NALF1: variants seen among roughly 807,000 people sequenced by gnomAD.
The protein encoded by NALF1 is NALCN channel auxiliary factor 1, also known as family with sequence similarity 155 member A.
In NALF1, 3 loss-of-function variants were observed where a neutral mutation model predicts 48.4. The observed-to-expected ratio is 0.06, with a 90% CI of 0.03 to 0.16. NALF1 has a LOEUF of 0.16. Ranked by LOEUF, NALF1 falls within the 10% of genes least tolerant of loss-of-function variation. The pLI is 1.00. For synonymous variants in NALF1, 262 were observed against 245.7 expected (o/e 1.07, Z -0.62); for missense variants, 526 against 571.5 (o/e 0.92, Z 0.81).
intron 1 of NALF1, among the ~76,000 whole-genome samples, chr13:107,473,226 G>C (rs1421288292): frequency 6.6e-6 from 1 of 152,118 alleles, no homozygotes; most frequent in East Asian, 1.9e-4. Context: ...TGTAGGTCTA[G>C]ATTCTTCAGC....
chr13:107,373,691 AAG>A (rs1199463501), intron 1 of NALF1, among the ~76,000 whole-genome samples: 2 of 152,222 alleles, frequency 1.3e-5, no homozygotes. Context: ...AAATAGCCAC[AAG>A]AGGGCAACAC....
chr13:107,531,309 G>A (rs981688379), intron 1 of NALF1: 1 of 164,980 alleles, frequency 6.1e-6, no homozygotes, highest in African/African-American at 2.4e-5. Flanking sequence ...TTGGTGATGA[G>A]TGAGCTCTTC....
At chr13:107,771,098 T>C (rs1222490937) in intron 1 of NALF1, among the ~76,000 whole-genome samples, 1 of 152,202 alleles carries the variant, frequency 6.6e-6, no homozygotes, top group Admixed American at 6.5e-5. Context: ...ATGTATTCTA[T>C]CTTGCAGATT....
At chr13:107,581,101 A>AGAGTTAC (rs1348008019) in intron 1 of NALF1, among the ~76,000 whole-genome samples, 2 of 152,336 alleles carry the variant, frequency 1.3e-5, no homozygotes, top group Admixed American at 6.5e-5. Context: ...ATTTAAAAAT[A>AGAGTTAC]GAGTTACGTC....
At chr13:107,802,002 A>C (rs1878629835) in intron 1 of NALF1, among the ~76,000 whole-genome samples, 1 of 151,728 alleles carries the variant, frequency 6.6e-6, no homozygotes, top group African/African-American at 2.4e-5. Context: ...AGAATTTGGA[A>C]ATTTTTTAAA....
chr13:107,238,861 C>T (rs1035581050), intron 1 of NALF1, among the ~76,000 whole-genome samples: 2 of 152,090 alleles, frequency 1.3e-5, no homozygotes, highest in African/African-American at 4.8e-5. Context: ...AGAGGAGTCA[C>T]AGAATAATAC....
At chr13:107,486,329 G>C (rs1885328922) in intron 1 of NALF1, among the ~76,000 whole-genome samples, 1 of 152,074 alleles carries the variant, frequency 6.6e-6, no homozygotes, top group South Asian at 2.1e-4. Flanking sequence ...TAATTAACTG[G>C]TGAAGAAAAA....
chr13:107,267,239 GTAGT>G (rs1366594691), intron 1 of NALF1, among the ~76,000 whole-genome samples: 1 of 152,142 alleles, frequency 6.6e-6, no homozygotes, highest in Non-Finnish European at 1.5e-5. Context: ...TAGAAATACA[GTAGT>G]TAATGTAAAG....
chr13:107,617,308 G>A (rs1441650225), intron 1 of NALF1, among the ~76,000 whole-genome samples: 1 of 152,078 alleles, frequency 6.6e-6, no homozygotes, highest in East Asian at 1.9e-4. Context: ...GATTAAAGGG[G>A]TCATTTAATT....
At chr13:107,707,983 C>T (rs1273668142) in intron 1 of NALF1, among the ~76,000 whole-genome samples, 12 of 151,770 alleles carry the variant, frequency 7.9e-5, no homozygotes, top group Admixed American at 7.9e-4. Context: ...TATAATCCAC[C>T]CTACCCCCCA....
chr13:107,330,715 A>C (rs779913510), intron 1 of NALF1, among the ~76,000 whole-genome samples: 80 of 152,328 alleles, frequency 5.3e-4, no homozygotes, highest in Non-Finnish European at 1.3e-4. Flanking sequence ...TCCAGGAATA[A>C]TTGTTTCATA....
chr13:107,545,588 C>A lies in NALF1; in HGVS notation c.915+320094G>T, dbSNP rs546389. Among the ~76,000 whole-genome samples the A allele has an allele frequency of 2.0e-5, 3 of 151,634 alleles. No individual in the cohort carries two copies. The South Asian group carries it at 6.2e-4, about 32-fold the overall frequency. ...AGTTGGAGCCTGAGATCTGAAAGAC[C>A]CATAGGGTCAGAGCAGATATGGAGC... On this transcript the variant is annotated intron_variant, in intron 1 of 2. Transcript: ENST00000375915.
At chr13:107,551,173 C>T (rs541795788) in intron 1 of NALF1, among the ~76,000 whole-genome samples, 4 of 152,220 alleles carry the variant, frequency 2.6e-5, no homozygotes, top group South Asian at 2.1e-4. Context: ...CTTCTTGTGA[C>T]GTCTCTTCTA....
At chr13:107,754,633 C>T (rs994533241) in intron 1 of NALF1, among the ~76,000 whole-genome samples, 1 of 151,798 alleles carries the variant, frequency 6.6e-6, no homozygotes, top group African/African-American at 2.4e-5. Flanking sequence ...TTAAAGAAAA[C>T]CTGAATGAAA....
intron 2 of NALF1, among the ~76,000 whole-genome samples, chr13:107,176,129 T>A (rs1045751042): frequency 2.0e-5 from 3 of 152,140 alleles, no homozygotes; most frequent in Admixed American, 6.6e-5. Context: ...CAAACAAAAA[T>A]AATTTCTCAA....
At chr13:107,280,329 G>C (rs145385898) in intron 1 of NALF1, among the ~76,000 whole-genome samples, 3 of 151,982 alleles carry the variant, frequency 2.0e-5, no homozygotes, top group Admixed American at 6.6e-5. Context: ...TTAAAAACTC[G>C]AATTATGCTA....
At position 107,659,215 on chromosome 13, in the gene NALF1, G is replaced by T. The variant is rs1325523434; in HGVS notation, c.915+206467C>A. The stretch of plus-strand genomic sequence containing the variant: ...ATCCACTGAAGTGTCACGTTCCCCT[G>T]GGAAGCCACCCACCAGGGTGAATCA... On this transcript the variant is annotated intron_variant, in intron 1 of 2. Coordinates refer to ENST00000375915, the MANE Select transcript of NALF1 (RefSeq NM_001080396.3). 2.0e-5 allele frequency among the ~76,000 whole-genome samples: 3 copies of T among 151,658 alleles called. No individual in the cohort carries two copies. The South Asian group carries it at 6.2e-4, about 31-fold the overall frequency.
At chr13:107,255,571 A>G (rs909629761) in intron 1 of NALF1, among the ~76,000 whole-genome samples, 3 of 120,110 alleles carry the variant, frequency 2.5e-5, no homozygotes, top group Middle Eastern at 4.2e-3. Context: ...ATAGATAAAG[A>G]AAGTCCATTT....
chr13:107,772,015 A>G (rs527592703), intron 1 of NALF1, among the ~76,000 whole-genome samples: 2 of 152,256 alleles, frequency 1.3e-5, no homozygotes, highest in South Asian at 4.1e-4. Flanking sequence ...GGTTACAGAC[A>G]TGAGAACAAA....
Sources: gnomAD v4.1 joint callset for allele counts (sites outside exome capture counted in the v4.1 genomes callset) on GRCh38, gnomAD v4.1.1 for gene constraint, MANE v1.5 for transcripts, NCBI Gene and HGNC (gene_info 2026-07-23, HGNC 2026-07-21) for gene names.